The following SEMA3E variants were observed in gnomAD, a reference collection of about 807,000 sequenced individuals.
The protein encoded by SEMA3E is semaphorin 3E, also known as semaphorin-3E.
SEMA3E carries 49 observed loss-of-function variants against 93.6 expected under a neutral mutation model. The observed-to-expected ratio is 0.52, with a 90% CI of 0.42 to 0.66. The LOEUF (loss-of-function observed/expected upper bound fraction) is 0.66, where lower values mean the gene tolerates loss of function less well. SEMA3E is among the 30% of genes least tolerant of loss of function. The pLI is 0.00. For synonymous variants in SEMA3E, 363 were observed against 330.7 expected, an observed-to-expected ratio of 1.10 and a Z score of -1.06; for missense variants, 906 against 964.8, an observed-to-expected ratio of 0.94 and a Z score of 0.81.
intron 1 of SEMA3E, among the ~76,000 whole-genome samples, chr7:83,523,224 G>A (rs1036870110): frequency 1.3e-5 from 2 of 152,016 alleles, no homozygotes; most frequent in African/African-American, 4.8e-5. Context: ...GGACTGAGAG[G>A]TTTGCCTTCC....
intron 1 of SEMA3E, among the ~76,000 whole-genome samples, chr7:83,545,910 A>G (rs539516887): frequency 5.5e-5 from 8 of 144,404 alleles, no homozygotes; most frequent in African/African-American, 1.5e-4. Flanking sequence ...ATTATATATT[A>G]TATATATTTT....
chr7:83,430,009 A>G (rs560399196), intron 4 of SEMA3E, among the ~76,000 whole-genome samples: 33 of 152,288 alleles, frequency 2.2e-4, no homozygotes, highest in African/African-American at 7.0e-4. Context: ...GTGATTATGC[A>G]CTCATGGATA....
intron 4 of SEMA3E, among the ~76,000 whole-genome samples, chr7:83,462,733 C>T (rs1423725398): frequency 6.8e-6 from 1 of 146,078 alleles, no homozygotes. Flanking sequence ...AGCCTATAAA[C>T]TCTCCTTACA....
chr7:83,413,430 T>G (rs1159067531), intron 5 of SEMA3E, among the ~76,000 whole-genome samples: 2 of 152,240 alleles, frequency 1.3e-5, no homozygotes, highest in Non-Finnish European at 2.9e-5. Context: ...CTGATTTAGC[T>G]GCCTCACTTT....
At position 83,490,254 on chromosome 7, in the gene SEMA3E, T is replaced by C; in HGVS notation, c.136A>G (p.Thr46Ala). ...CCAAAAGGGCTATGAAATATTGATG[T>C]TCTGTTCAGATTCAAGAGCTCTGAA... ...SHKELLNLNR[T>A]SIFHSPFGFL... The change falls in exon 2 of 17, where the codon ACA (threonine) becomes GCA (alanine). Residue 46 changes from threonine (T) to alanine (A), a missense_variant. Transcript: ENST00000643230. 6.2e-7 allele frequency: 1 copy of C among 1,612,608 alleles called. No homozygotes were observed. Among genetic ancestry groups the C allele is most frequent in the Non-Finnish European group, 8.5e-7 (1 of 1,179,326 alleles).
At chr7:83,608,464 T>A (rs1236107847) in intron 1 of SEMA3E, among the ~76,000 whole-genome samples, 1 of 152,158 alleles carries the variant, frequency 6.6e-6, no homozygotes, top group Non-Finnish European at 1.5e-5. Context: ...CATGATTTTT[T>A]AAAGTTTTTG....
At chr7:83,506,128 T>C (rs539521448) in intron 1 of SEMA3E, among the ~76,000 whole-genome samples, 1 of 151,692 alleles carries the variant, frequency 6.6e-6, no homozygotes, top group Non-Finnish European at 1.5e-5. Context: ...CAATTTATTC[T>C]TATTGATCTG....
intron 1 of SEMA3E, among the ~76,000 whole-genome samples, chr7:83,594,297 T>C (rs1429627235): frequency 6.6e-6 from 1 of 152,196 alleles, no homozygotes; most frequent in Non-Finnish European, 1.5e-5. Flanking sequence ...TTTAGCGCTT[T>C]GTTCCATAAG....
At chr7:83,630,985 T>C (rs1302815447) in intron 1 of SEMA3E, among the ~76,000 whole-genome samples, 1 of 152,156 alleles carries the variant, frequency 6.6e-6, no homozygotes, top group East Asian at 1.9e-4. Flanking sequence ...ATGTGCCTTT[T>C]TTTAAGAACA....
intron 1 of SEMA3E, among the ~76,000 whole-genome samples, chr7:83,538,627 A>G (rs947057299): frequency 6.6e-6 from 1 of 152,236 alleles, no homozygotes; most frequent in African/African-American, 2.4e-5. Context: ...TGATTAAGAT[A>G]TAAAATGTAT....
At chr7:83,463,403 A>G (rs2115867886) in intron 4 of SEMA3E, among the ~76,000 whole-genome samples, 1 of 151,918 alleles carries the variant, frequency 6.6e-6, no homozygotes, top group African/African-American at 2.4e-5. Flanking sequence ...TCCAAAATCT[A>G]TTTTCTTCCT....
chr7:83,614,117 T>C (rs1398504110), intron 1 of SEMA3E, among the ~76,000 whole-genome samples: 1 of 152,090 alleles, frequency 6.6e-6, no homozygotes, highest in Non-Finnish European at 1.5e-5. Context: ...TCTCAAGTAA[T>C]TAATAATTGC....
intron 4 of SEMA3E, among the ~76,000 whole-genome samples, chr7:83,428,541 A>T (rs79009249): frequency 1.3e-5 from 2 of 152,214 alleles, no homozygotes. Flanking sequence ...GATAATGTGT[A>T]TAACAAATTA....
chr7:83,411,858 A>G (rs574346120), intron 5 of SEMA3E, among the ~76,000 whole-genome samples: 9 of 152,344 alleles, frequency 5.9e-5, no homozygotes, highest in East Asian at 1.9e-4. Context: ...CAGAAGAACT[A>G]TCTAAGGATT....
chr7:83,643,124 G>T (rs1393119396), intron 1 of SEMA3E, among the ~76,000 whole-genome samples: 1 of 151,962 alleles, frequency 6.6e-6, no homozygotes, highest in Non-Finnish European at 1.5e-5. Flanking sequence ...TTCATGGTTT[G>T]GTGCTTTATT....
At chr7:83,474,257 A>G (rs999628653) in intron 2 of SEMA3E, among the ~76,000 whole-genome samples, 3 of 152,110 alleles carry the variant, frequency 2.0e-5, no homozygotes, top group Non-Finnish European at 2.9e-5. Flanking sequence ...CTGATACATG[A>G]GTAATAATGG....
chr7:83,441,239 G>T (rs185155928), intron 4 of SEMA3E, among the ~76,000 whole-genome samples: 2 of 152,296 alleles, frequency 1.3e-5, no homozygotes, highest in African/African-American at 4.8e-5. Context: ...ACAAAAATTA[G>T]GTGTTAAGCA....
At chr7:83,571,014 G>A (rs948217157) in intron 1 of SEMA3E, among the ~76,000 whole-genome samples, 32 of 146,270 alleles carry the variant, frequency 2.2e-4, no homozygotes, top group African/African-American at 7.6e-4. Context: ...GGACCAAGAA[G>A]AAAGTGGAAA....
intron 2 of SEMA3E, among the ~76,000 whole-genome samples, chr7:83,475,716 G>T (rs1418359866): frequency 1.3e-5 from 2 of 152,160 alleles, no homozygotes; most frequent in Admixed American, 1.3e-4. Flanking sequence ...CAGCATCTAT[G>T]TAACTGTGAC....
Sources: gnomAD v4.1 joint callset for allele counts (sites outside exome capture counted in the v4.1 genomes callset) on GRCh38, gnomAD v4.1.1 for gene constraint, MANE v1.5 for transcripts, NCBI Gene and HGNC (gene_info 2026-07-23, HGNC 2026-07-21) for gene names.